FANCM: variants seen among roughly 807,000 people sequenced by gnomAD.
The protein encoded by FANCM is Fanconi anemia group M protein.
In FANCM, 140 loss-of-function variants were observed where a neutral mutation model predicts 199.5. The ratio of observed to expected loss-of-function variants is 0.70; its 90% CI spans 0.61 to 0.81. The LOEUF is 0.81. Among genes scored for constraint, FANCM ranks in the 30% least tolerant of loss-of-function variants. FANCM has a pLI of 0.00. For synonymous variants in FANCM, 840 were observed against 836.8 expected, an observed-to-expected ratio of 1.00 and a Z score of -0.07; for missense variants, 2,410 against 2,421.4, an observed-to-expected ratio of 1.00 and a Z score of 0.10.
At chr14:45,153,789 A>G in intron 5 of FANCM, 131 bp from the exon 6 acceptor site, 1 of 788,566 alleles carries the variant, frequency 1.3e-6, no homozygotes, top group South Asian at 1.4e-5. Context: ...AGCAGTGTAG[A>G]AGGGAATGAT....
intron 16 of FANCM, among the ~76,000 whole-genome samples, chr14:45,183,481 C>G (rs1889190986): frequency 6.6e-6 from 1 of 151,996 alleles, no homozygotes; most frequent in South Asian, 2.1e-4. Context: ...TATCAGTTTT[C>G]TAAGTCACCA....
rs1314884966 is a variant in FANCM, at chr14:45,140,709, G to A, written c.759G>A (p.Lys253=). The A allele has an allele frequency of 6.4e-7, 1 of 1,567,726 alleles. No individual in the cohort carries two copies. Among genetic ancestry groups the A allele is most frequent in the Admixed American group, 1.7e-5 (1 of 59,942 alleles). Reference sequence around the variant, plus strand: ...GTGCCACACCAGGTAGTGATATAAAGGTAAGTAAAATGTTTTTCCATTTAT... The same window carrying A: ...GTGCCACACCAGGTAGTGATATAAAAGTAAGTAAAATGTTTTTCCATTTAT... ...ALSATPGSDI[K]AVQQVITNLL... The change falls in exon 3 of 23, where the codon AAG becomes AAA. Residue 253 remains lysine, a splice_region_variant and synonymous_variant. Transcript: ENST00000267430.
chr14:45,181,112 T>A (rs1156625516), intron 14 of FANCM, among the ~76,000 whole-genome samples: 1 of 152,222 alleles, frequency 6.6e-6, no homozygotes, highest in African/African-American at 2.4e-5. Flanking sequence ...TAAATTCTAT[T>A]AATGGAACCA....
rs533351763 is a variant in FANCM at position 45,167,339 on chromosome 14, T to C, written c.2002+176T>C. ...ATTCATGTGGCAAATGGAGAGACAC[T>C]GGTAGTATAGAGTGACAGAAACTCA... is the stretch of plus-strand genomic sequence containing the variant. On this transcript the variant is annotated intron_variant, in intron 11 of 22. Transcript: ENST00000267430. 4.0e-4 allele frequency: 245 copies of C among 609,198 alleles called. 2 individuals carry two copies. Among genetic ancestry groups the C allele is most frequent in the Non-Finnish European group, 5.3e-4 (183 of 342,800 alleles). 37.7% of individuals were successfully genotyped at this position (609,198 alleles called of 1,614,324 possible).
intron 9 of FANCM, among the ~76,000 whole-genome samples, chr14:45,162,833 T>C (rs1486062609): frequency 2.0e-5 from 3 of 152,126 alleles, no homozygotes; most frequent in Non-Finnish European, 2.9e-5. Flanking sequence ...CTGTTAGTTA[T>C]ATTAAGAAAA....
At chr14:45,150,513 T>C (rs1251629263) in intron 4 of FANCM, among the ~76,000 whole-genome samples, 1 of 152,192 alleles carries the variant, frequency 6.6e-6, no homozygotes, top group African/African-American at 2.4e-5. Flanking sequence ...ACTGCGGTAG[T>C]AGGTCTTCAT....
chr14:45,149,727 G>A (rs1886685506), intron 4 of FANCM, among the ~76,000 whole-genome samples: 2 of 152,068 alleles, frequency 1.3e-5, no homozygotes, highest in African/African-American at 2.4e-5. Flanking sequence ...TGATCTTTAT[G>A]CAGCAGTGCT....
rs968026843 is a variant in FANCM at position 45,175,396 on chromosome 14, A to G, written c.2642A>G (p.Asp881Gly). ...NHGIIDSVDN[D>G]RNSTVENIFQ... ...GGTATTATAGATTCTGTAGATAATG[A>G]CAGAAATTCCACTGTTGAAAATATT... Residue 881 changes from aspartate to glycine, a missense_variant, in exon 14 of 23, where the codon GAC becomes GGC. Transcript: ENST00000267430. 14 of 1,566,184 alleles carry G rather than the reference A, an allele frequency of 8.9e-6. No homozygotes were observed. Among genetic ancestry groups the G allele is most frequent in the Non-Finnish European group, 1.2e-5 (14 of 1,152,232 alleles).
chr14:45,164,328 T>C (rs766464421), intron 9 of FANCM, 31 bp from the exon 10 acceptor site: 17 of 1,504,828 alleles, frequency 1.1e-5, no homozygotes, highest in Non-Finnish European at 1.3e-5. Flanking sequence ...TACATTTGCA[T>C]GTAGTTATTT....
In FANCM at chr14:45,189,149, T is replaced by G; in HGVS notation, c.5127T>G (p.Pro1709=). 6.2e-7 allele frequency: 1 copy of G among 1,614,202 alleles called. No homozygotes were observed. Residue 1709 remains proline (P), a synonymous_variant, in exon 20 of 23, where the codon CCT becomes CCG. Coordinates refer to ENST00000267430, the MANE Select transcript of FANCM (RefSeq NM_020937.4). The part of the protein sequence containing the change: ...KQQDHCLNSV[P]SGSSAQSKVR... Reference sequence around the variant, plus strand: ...AGGACCATTGTTTAAATTCAGTGCCTTCTGGATCTTCTGCGCAGTCCAAGG... The same window carrying G: ...AGGACCATTGTTTAAATTCAGTGCCGTCTGGATCTTCTGCGCAGTCCAAGG...
intron 11 of FANCM, among the ~76,000 whole-genome samples, chr14:45,170,054 T>C (rs1170357673): frequency 2.0e-5 from 3 of 152,162 alleles, no homozygotes; most frequent in African/African-American, 7.2e-5. Context: ...ATTTGTGAGT[T>C]ATCTTACTCT....
At chr14:45,192,427 A>AGTG (rs1041250658) in intron 20 of FANCM, among the ~76,000 whole-genome samples, 1 of 152,190 alleles carries the variant, frequency 6.6e-6, no homozygotes, top group Non-Finnish European at 1.5e-5. Context: ...GGATCACTTG[A>AGTG]GGTCAGGAGT....
Position 45,176,839 on chromosome 14 carries a change from A to T in FANCM, c.4085A>T (p.Asp1362Val). 1.2e-6 allele frequency: 2 copies of T among 1,607,566 alleles called. No homozygotes were observed. Among genetic ancestry groups the T allele is most frequent in the Non-Finnish European group, 1.7e-6 (2 of 1,176,202 alleles). Reference protein sequence around the residue: ...KIRKEILKTPDSSKEKVNLQR... With the variant: ...KIRKEILKTPVSSKEKVNLQR... ...AGAAAGGAAATACTTAAGACACCAG[A>T]TTCTAGTAAGGAAAAAGTAAACCTA... The change falls in exon 14 of 23, where the codon GAT (aspartate) becomes GTT (valine). Residue 1362 changes from aspartate (D) to valine (V), a missense_variant. Asp to Val is a radical substitution (Grantham distance 152, BLOSUM62 -3). Transcript: ENST00000267430.
chr14:45,135,978 T>TGAG lies in FANCM; in HGVS notation c.-53_-51dup. The TGAG allele has an allele frequency of 6.3e-7, 1 of 1,595,802 alleles. No homozygotes were observed. The highest frequency in any genetic ancestry group is 8.6e-7 in the Non-Finnish European group (1 of 1,165,902). On this transcript the variant is annotated 5_prime_UTR_variant, in exon 1 of 23. Transcript: ENST00000267430. ...CGATGGGGATCGGAACCGTAGCGGT[T>TGAG]GAGCTGCTGCTGCTACGGATATCTG... is the stretch of plus-strand genomic sequence containing the variant.
chr14:45,137,027 C>CAGT (rs1885565340), intron 1 of FANCM, 42 bp from the exon 2 acceptor site: 13 of 1,415,586 alleles, frequency 9.2e-6, no homozygotes, highest in Non-Finnish European at 1.3e-5. Context: ...TTATAGATAA[C>CAGT]AGTCTGAAGT....
chr14:45,192,162 G>A (rs1203270351), intron 20 of FANCM, among the ~76,000 whole-genome samples: 1 of 152,128 alleles, frequency 6.6e-6, no homozygotes, highest in Non-Finnish European at 1.5e-5. Context: ...AAAGGTGGAG[G>A]GAGTATTGCT....
At chr14:45,153,870 G>T (rs1439356538) in intron 5 of FANCM, 50 bp from the exon 6 acceptor site, 1 of 1,492,862 alleles carries the variant, frequency 6.7e-7, no homozygotes, top group Admixed American at 1.7e-5. Flanking sequence ...CATGGAGCAT[G>T]TATGTTCATT....
In FANCM at chr14:45,176,725, G is replaced by A. The variant is rs1888731038; in HGVS notation, c.3971G>A (p.Gly1324Asp). ...AAKNEELLSP[G>D]YSQFSLPVQK... ...AAAAATGAAGAATTGTTATCTCCTG[G>A]TTATTCTCAGTTTTCTTTACCAGTG... is the stretch of plus-strand genomic sequence containing the variant. Residue 1324 changes from glycine (G) to aspartate (D), a missense_variant, in exon 14 of 23, where the codon GGT (glycine) becomes GAT (aspartate). By Grantham distance (94) the Gly-to-Asp change is moderately conservative. Transcript: ENST00000267430. 6 of 1,613,274 alleles carry A rather than the reference G, an allele frequency of 3.7e-6. No individual in the cohort carries two copies. The highest frequency in any genetic ancestry group is 5.1e-6 in the Non-Finnish European group (6 of 1,179,698).
intron 13 of FANCM, among the ~76,000 whole-genome samples, chr14:45,174,684 A>C (rs1390476069): frequency 2.0e-5 from 3 of 151,984 alleles, no homozygotes; most frequent in African/African-American, 4.8e-5. Context: ...AAATTTAACA[A>C]ATGTATATGG....
Sources: allele counts gnomAD v4.1 joint callset (sites outside exome capture counted in the v4.1 genomes callset), GRCh38; gene constraint gnomAD v4.1.1; transcripts MANE v1.5; gene names NCBI Gene and HGNC (gene_info 2026-07-23, HGNC 2026-07-21).